Variants in PCP4 observed in about 807,000 individuals in gnomAD.
PCP4 encodes Purkinje cell protein 4.
A neutral mutation model predicts 10.0 loss-of-function variants in PCP4; 8 were observed. That is an observed-to-expected ratio of 0.80 (90% CI 0.47 to 1.45). The LOEUF (loss-of-function observed/expected upper bound fraction) is 1.45, where lower values mean the gene tolerates loss of function less well. Ranked by LOEUF, PCP4 falls within the 40% of genes most tolerant of loss-of-function variation. The pLI, the probability that PCP4 is intolerant of heterozygous loss-of-function variation, is 0.00. For synonymous variants in PCP4, 21 were observed against 23.0 expected, an observed-to-expected ratio of 0.91 and a Z score of 0.24; for missense variants, 54 against 74.4, an observed-to-expected ratio of 0.73 and a Z score of 1.01.
At chr21:39,921,896 T>C (rs1224307693) in intron 2 of PCP4, among the ~76,000 whole-genome samples, 1 of 152,258 alleles carries the variant, frequency 6.6e-6, no homozygotes, top group Admixed American at 6.5e-5. Flanking sequence ...TGATGGACTA[T>C]GGGACTGATG....
In PCP4 at chr21:39,898,594, T is replaced by C; in HGVS notation, c.61+67T>C. On this transcript the variant is annotated intron_variant, in intron 2 of 2. Transcript: ENST00000328619. ...TCTGCAGCCCTGGGTATGCAGCAGGTGCGGATCATACATCCCATCCCAAAC... is the reference window on the plus strand; with the variant it reads ...TCTGCAGCCCTGGGTATGCAGCAGGCGCGGATCATACATCCCATCCCAAAC... 2.4e-6 allele frequency: 3 copies of C among 1,235,082 alleles called. No individual in the cohort carries two copies. In the South Asian group the frequency reaches 3.6e-5, roughly 15 times the overall value. The allele number at this position is 1,235,082 out of a possible 1,614,324, so 76.5% of individuals were successfully genotyped here.
At chr21:39,904,476 A>G (rs1165394278) in intron 2 of PCP4, among the ~76,000 whole-genome samples, 1 of 152,236 alleles carries the variant, frequency 6.6e-6, no homozygotes, top group Non-Finnish European at 1.5e-5. Context: ...CCAGGAACCA[A>G]GGATGATTGA....
chr21:39,895,952 TAAC>T (rs2087454786), intron 1 of PCP4, among the ~76,000 whole-genome samples: 1 of 152,226 alleles, frequency 6.6e-6, no homozygotes, highest in African/African-American at 2.4e-5. Context: ...ATACTTTCAA[TAAC>T]GAGTTCTTTT....
intron 1 of PCP4, among the ~76,000 whole-genome samples, chr21:39,870,636 G>T (rs556086862): frequency 2.1e-4 from 32 of 152,300 alleles, no homozygotes; most frequent in African/African-American, 6.3e-4. Context: ...CTTTTCAAAA[G>T]AACTCATTTA....
chr21:39,915,587 G>A (rs1483164665), intron 2 of PCP4, among the ~76,000 whole-genome samples: 1 of 152,192 alleles, frequency 6.6e-6, no homozygotes, highest in Non-Finnish European at 1.5e-5. Context: ...GTTTCAAGGA[G>A]CATCAAGCAT....
chr21:39,914,917 G>T (rs934132333), intron 2 of PCP4, among the ~76,000 whole-genome samples: 12 of 152,272 alleles, frequency 7.9e-5, no homozygotes, highest in Non-Finnish European at 1.5e-4. Context: ...GGTAAAACCA[G>T]GGAATATCAG....
At chr21:39,924,331 T>G (rs2087610747) in intron 2 of PCP4, among the ~76,000 whole-genome samples, 1 of 152,206 alleles carries the variant, frequency 6.6e-6, no homozygotes. Context: ...ATGAGAAAAC[T>G]GAGCACCAGA....
intron 2 of PCP4, among the ~76,000 whole-genome samples, chr21:39,924,465 G>A (rs1331994166): frequency 1.3e-5 from 2 of 152,170 alleles, no homozygotes; most frequent in Non-Finnish European, 2.9e-5. Context: ...GTATCTAGGT[G>A]TGAGGAGAGA....
chr21:39,877,059 C>G (rs1375163577), intron 1 of PCP4, among the ~76,000 whole-genome samples: 1 of 152,212 alleles, frequency 6.6e-6, no homozygotes, highest in Non-Finnish European at 1.5e-5. Context: ...AATCACAGAG[C>G]TTCTTCAGAG....
At chr21:39,869,657 T>C (rs1396062565) in intron 1 of PCP4, among the ~76,000 whole-genome samples, 4 of 152,186 alleles carry the variant, frequency 2.6e-5, no homozygotes, top group Non-Finnish European at 5.9e-5. Flanking sequence ...GGGCATGTGC[T>C]CCTTGGAGAG....
At chr21:39,911,722 G>T (rs938053355) in intron 2 of PCP4, among the ~76,000 whole-genome samples, 6 of 152,232 alleles carry the variant, frequency 3.9e-5, no homozygotes, top group African/African-American at 1.4e-4. Flanking sequence ...AGCCTCACTT[G>T]TCTTTTCTAT....
At position 39,888,548 on chromosome 21, in the gene PCP4, G is replaced by A. The variant is rs534434143; in HGVS notation, c.10-9928G>A. Among the ~76,000 whole-genome samples, 41 of 152,344 alleles carry A rather than the reference G, an allele frequency of 2.7e-4. No individual in the cohort carries two copies. The East Asian group carries it at 7.7e-3, about 29-fold the overall frequency. On this transcript the variant is annotated intron_variant, in intron 1 of 2. Coordinates refer to ENST00000328619, the MANE Select transcript of PCP4 (RefSeq NM_006198.3). ...CAATGAGGAATTTCTCCAGTGATAC[G>A]CAGCTGGTGGGGACAGTCAGTGGTT...
intron 2 of PCP4, among the ~76,000 whole-genome samples, chr21:39,905,267 A>C (rs556640144): frequency 7.9e-5 from 12 of 151,838 alleles, no homozygotes; most frequent in Non-Finnish European, 1.3e-4. Context: ...AAAAAAAATC[A>C]AAACAAAAGT....
intron 2 of PCP4, among the ~76,000 whole-genome samples, chr21:39,907,005 A>G (rs1206044772): frequency 1.3e-5 from 2 of 152,224 alleles, no homozygotes; most frequent in Admixed American, 1.3e-4. Flanking sequence ...TGTGCACAGC[A>G]GGCAGTTTTT....
chr21:39,877,339 C>T (rs746258379), intron 1 of PCP4, among the ~76,000 whole-genome samples: 4 of 152,028 alleles, frequency 2.6e-5, no homozygotes, highest in Non-Finnish European at 5.9e-5. Flanking sequence ...CCTCCCATCC[C>T]GTCACACACA....
At chr21:39,880,288 A>G (rs934995591) in intron 1 of PCP4, among the ~76,000 whole-genome samples, 1 of 152,148 alleles carries the variant, frequency 6.6e-6, no homozygotes, top group Non-Finnish European at 1.5e-5. Context: ...AATCCAAGGG[A>G]GCTTTCAAGT....
At chr21:39,898,282 G>C (rs2087466975) in intron 1 of PCP4, 194 bp from the exon 2 acceptor site, 3 of 660,144 alleles carry the variant, frequency 4.5e-6, no homozygotes, top group Non-Finnish European at 8.3e-6. Context: ...GAGGGGGCCG[G>C]TCTGTGCAGC....
intron 2 of PCP4, among the ~76,000 whole-genome samples, chr21:39,914,295 C>T (rs1203572524): frequency 2.0e-5 from 3 of 152,104 alleles, no homozygotes; most frequent in African/African-American, 7.2e-5. Context: ...AAGTCAAAAT[C>T]TTTGGCCAGG....
intron 1 of PCP4, among the ~76,000 whole-genome samples, chr21:39,875,059 G>A (rs911469136): frequency 6.6e-6 from 1 of 152,104 alleles, no homozygotes; most frequent in African/African-American, 2.4e-5. Context: ...TTTGGACTGT[G>A]GTTAGCAGCA....
Sources: allele counts gnomAD v4.1 joint callset (sites outside exome capture counted in the v4.1 genomes callset), GRCh38; gene constraint gnomAD v4.1.1; transcripts MANE v1.5; gene names NCBI Gene and HGNC (gene_info 2026-07-23, HGNC 2026-07-21).